Variants in PRIM2 observed in about 807,000 individuals in gnomAD.
PRIM2 encodes the protein DNA primase subunit 2, also known as DNA primase large subunit.
PRIM2 carries 39 observed loss-of-function variants against 67.3 expected under a neutral mutation model. The observed-to-expected ratio is 0.58, with a 90% CI of 0.45 to 0.76. PRIM2 has a LOEUF of 0.76. Ranked by LOEUF, PRIM2 falls within the 30% of genes least tolerant of loss-of-function variation. PRIM2 has a pLI of 0.00. For missense variants in PRIM2, 398 were observed against 598.7 expected (o/e 0.66, Z 3.50); for synonymous variants, 143 against 198.7 (o/e 0.72, Z 2.36).
chr6:57,364,100 T>C (rs944571877), intron 5 of PRIM2, among the ~76,000 whole-genome samples: 1 of 152,100 alleles, frequency 6.6e-6, no homozygotes, highest in Non-Finnish European at 1.5e-5. Context: ...TCTGCTATGT[T>C]GCTTTTTATG....
chr6:57,239,181 G>C, the PRIM2 span, among the ~76,000 whole-genome samples: 1 of 151,882 alleles, frequency 6.6e-6, no homozygotes, highest in Non-Finnish European at 1.5e-5. Flanking sequence ...AGTAGAGATG[G>C]GGTTTCACCA....
the PRIM2 span, among the ~76,000 whole-genome samples, chr6:57,221,564 A>T: frequency 1.3e-5 from 2 of 152,204 alleles, no homozygotes; most frequent in Non-Finnish European, 2.9e-5. Context: ...ACCTAACCTG[A>T]GCACTTCACG....
chr6:57,454,699 TG>T (rs1318560029), intron 7 of PRIM2, among the ~76,000 whole-genome samples: 1 of 151,902 alleles, frequency 6.6e-6, no homozygotes, highest in East Asian at 1.9e-4. Flanking sequence ...GTCTTGCTAG[TG>T]GTCTATCAAT....
At chr6:57,542,317 G>C (rs1775177724) in intron 10 of PRIM2, among the ~76,000 whole-genome samples, 11 of 152,158 alleles carry the variant, frequency 7.2e-5, no homozygotes. Flanking sequence ...AAAGAGAGAA[G>C]TTGAGCTAGC....
intron 7 of PRIM2, among the ~76,000 whole-genome samples, chr6:57,460,329 T>C (rs1772962539): frequency 6.6e-6 from 1 of 152,126 alleles, no homozygotes; most frequent in South Asian, 2.1e-4. Flanking sequence ...AATTTAGTGA[T>C]AGTTTTTGGT....
At chr6:57,531,655 G>A (rs1774894136) in intron 8 of PRIM2, among the ~76,000 whole-genome samples, 2 of 152,072 alleles carry the variant, frequency 1.3e-5, no homozygotes, top group African/African-American at 4.8e-5. Flanking sequence ...TTTATTATAG[G>A]GAAGAGGATG....
intron 10 of PRIM2, among the ~76,000 whole-genome samples, chr6:57,547,056 T>G (rs1775302067): frequency 1.3e-5 from 2 of 152,146 alleles, no homozygotes; most frequent in African/African-American, 4.8e-5. Flanking sequence ...TTTGAACGTC[T>G]TATTCCTTAA....
At chr6:57,570,963 CA>C (rs1473685828) in intron 10 of PRIM2, among the ~76,000 whole-genome samples, 1 of 151,996 alleles carries the variant, frequency 6.6e-6, no homozygotes, top group Non-Finnish European at 1.5e-5. Flanking sequence ...GCAAGATATG[CA>C]CAGGGGCAAT....
chr6:57,264,624 G>A, the PRIM2 span, among the ~76,000 whole-genome samples: 1 of 135,382 alleles, frequency 7.4e-6, no homozygotes, highest in Non-Finnish European at 1.5e-5. Context: ...TTGCGATGGA[G>A]CCTCACTCTG....
the PRIM2 span, among the ~76,000 whole-genome samples, chr6:57,282,557 A>T: frequency 5.3e-5 from 8 of 152,154 alleles, no homozygotes; most frequent in Non-Finnish European, 1.2e-4. Context: ...TTGAATTCCT[A>T]ACTCCCAGTA....
intron 7 of PRIM2, among the ~76,000 whole-genome samples, chr6:57,410,402 T>C (rs1292132560): frequency 4.0e-5 from 6 of 151,818 alleles, no homozygotes; most frequent in Non-Finnish European, 8.8e-5. Context: ...TTCCCCATTT[T>C]TCACCTTGTA....
chr6:57,574,412 T>A (rs1775925728), intron 10 of PRIM2, among the ~76,000 whole-genome samples: 1 of 152,210 alleles, frequency 6.6e-6, no homozygotes, highest in Non-Finnish European at 1.5e-5. Context: ...CTTGCTTGTT[T>A]GTGTGTGCTG....
chr6:57,377,510 G>T (rs1769809724), intron 5 of PRIM2, among the ~76,000 whole-genome samples: 1 of 151,086 alleles, frequency 6.6e-6, no homozygotes, highest in Admixed American at 6.6e-5. Flanking sequence ...CATTGGCCTG[G>T]GGTCATTGCT....
At chr6:57,535,813 C>T (rs1288171273) in intron 9 of PRIM2, among the ~76,000 whole-genome samples, 14 of 151,394 alleles carry the variant, frequency 9.2e-5, no homozygotes, top group Admixed American at 3.9e-4. Context: ...TATAGTGAGC[C>T]GAGATGGCAC....
chr6:57,383,899 G>A (rs1025940355), intron 7 of PRIM2, among the ~76,000 whole-genome samples: 1 of 152,220 alleles, frequency 6.6e-6, no homozygotes, highest in African/African-American at 2.4e-5. Context: ...GTAGCAGAAA[G>A]CATCCTGGTA....
intron 7 of PRIM2, among the ~76,000 whole-genome samples, chr6:57,422,943 T>G (rs1345952285): frequency 6.6e-6 from 1 of 152,190 alleles, no homozygotes; most frequent in African/African-American, 2.4e-5. Flanking sequence ...AAGACTTTAG[T>G]TGAAGTTTGA....
At chr6:57,627,039 T>G (rs1582027080) in intron 12 of PRIM2, among the ~76,000 whole-genome samples, 1 of 151,612 alleles carries the variant, frequency 6.6e-6, no homozygotes. Context: ...CTAGCACTTT[T>G]GGAGACCGAG....
intron 7 of PRIM2, among the ~76,000 whole-genome samples, chr6:57,410,019 C>T (rs1430101379): frequency 6.6e-6 from 1 of 151,710 alleles, no homozygotes; most frequent in African/African-American, 2.4e-5. Flanking sequence ...GGTTTTGGCA[C>T]TATTAGTAGA....
Position 57,320,475 on chromosome 6 carries a change from A to G in PRIM2, c.173A>G (p.Asn58Ser), listed in dbSNP as rs766194827. 2.5e-6 allele frequency: 4 copies of G among 1,605,108 alleles called. No homozygotes were observed. In the South Asian group the frequency reaches 4.5e-5, roughly 18 times the overall value. The change falls in exon 3 of 14, where the codon AAT becomes AGT. Residue 58 changes from asparagine (N) to serine (S), a missense_variant. This residue lies in a region of PRIM2 where 96 missense variants were observed against 98.3 expected (regional missense o/e 0.98). Transcript: ENST00000615550. ...TTTTTAGTGTTAAAATCAGTTGAAA[A>G]TCTTGGAGTGAGCTATGTGAAAGGA... is the stretch of plus-strand genomic sequence containing the variant. ...DRVKLLKSVE[N>S]LGVSYVKGTE...
Sources: allele counts gnomAD v4.1 joint callset (sites outside exome capture counted in the v4.1 genomes callset), GRCh38; gene constraint gnomAD v4.1.1; regional missense constraint gnomAD v4.1.1; transcripts MANE v1.5; gene names NCBI Gene and HGNC (gene_info 2026-07-23, HGNC 2026-07-21).